Variants in PHF21B observed in about 807,000 individuals in gnomAD.
The protein encoded by PHF21B is PHD finger protein 21B.
In PHF21B, 22 loss-of-function variants were observed where a neutral mutation model predicts 62.2. The observed-to-expected ratio is 0.35, with a 90% CI of 0.25 to 0.51. The LOEUF (loss-of-function observed/expected upper bound fraction) is 0.51, where lower values mean the gene tolerates loss of function less well. Among genes scored for constraint, PHF21B ranks in the 20% least tolerant of loss-of-function variants. The pLI, the probability that PHF21B is intolerant of heterozygous loss-of-function variation, is 0.97. For synonymous variants in PHF21B, 341 were observed against 314.7 expected (o/e 1.08, Z -0.88); for missense variants, 701 against 707.9 (o/e 0.99, Z 0.11).
intron 2 of PHF21B, among the ~76,000 whole-genome samples, chr22:44,921,816 G>A (rs1157065026): frequency 2.6e-5 from 4 of 152,128 alleles, no homozygotes; most frequent in African/African-American, 4.8e-5. Context: ...CCGCCACCAC[G>A]CCTGGGTAAC....
intron 2 of PHF21B, among the ~76,000 whole-genome samples, chr22:44,991,916 T>C (rs993720515): frequency 1.3e-5 from 2 of 152,252 alleles, no homozygotes; most frequent in African/African-American, 2.4e-5. Context: ...AATGAGTCAA[T>C]TGTGTAACCT....
At chr22:45,004,164 G>A (rs1420296082) in intron 2 of PHF21B, among the ~76,000 whole-genome samples, 1 of 152,178 alleles carries the variant, frequency 6.6e-6, no homozygotes, top group Non-Finnish European at 1.5e-5. Context: ...TGGTAGTGAA[G>A]GCTGTACAGA....
chr22:44,959,408 G>T (rs892405448), intron 2 of PHF21B, among the ~76,000 whole-genome samples: 1 of 152,174 alleles, frequency 6.6e-6, no homozygotes, highest in African/African-American at 2.4e-5. Flanking sequence ...TCTGTCCCCT[G>T]CCTGGGTCCT....
chr22:44,933,644 G>C, intron 2 of PHF21B: 1 of 455,094 alleles, frequency 2.2e-6, no homozygotes, highest in Non-Finnish European at 2.9e-6. Context: ...GTCTGAGGTT[G>C]GTCACGCACC....
In PHF21B at chr22:44,983,223, G is replaced by A. The variant is rs534703560; in HGVS notation, c.120+25322C>T. Among the ~76,000 whole-genome samples the A allele has an allele frequency of 4.0e-3, 419 of 105,654 alleles. 1 individual carries two copies. The highest frequency in any genetic ancestry group is 6.1e-3 in the Non-Finnish European group (324 of 52,704). 69.3% of individuals were successfully genotyped at this position (105,654 alleles called of 152,430 possible). On this transcript the variant is annotated intron_variant, in intron 2 of 12. Transcript: ENST00000313237. The stretch of plus-strand genomic sequence containing the variant: ...CACTCCAGCCTGGGCGACAGAGCGA[G>A]ACTCTGTCTCAAAAAAAAAAAAAAA...
At chr22:44,979,402 A>T (rs929016899) in intron 2 of PHF21B, among the ~76,000 whole-genome samples, 1 of 152,196 alleles carries the variant, frequency 6.6e-6, no homozygotes, top group African/African-American at 2.4e-5. Flanking sequence ...GGCACTCAGG[A>T]GGCAGTCTTA....
intron 2 of PHF21B, chr22:45,000,543 G>A (rs992601643): frequency 6.6e-6 from 1 of 152,132 alleles, no homozygotes; most frequent in African/African-American, 2.4e-5. Context: ...CTCTAATGAG[G>A]CATCATGGGA....
At chr22:45,006,216 G>A (rs559690152) in intron 2 of PHF21B, among the ~76,000 whole-genome samples, 24 of 152,244 alleles carry the variant, frequency 1.6e-4, no homozygotes, top group African/African-American at 5.3e-4. Flanking sequence ...TGCCACAAAG[G>A]GAAATGGAAA....
Position 44,891,372 on chromosome 22 carries a change from G to A in PHF21B, c.961-12C>T, listed in dbSNP as rs1408128877. ...GCCAGCCGTTTCCTCTGCAGGGACA[G>A]AAAACAAAACAACACACCCCATCAT... On this transcript the variant is annotated splice_polypyrimidine_tract_variant and intron_variant, in intron 7 of 12. Coordinates refer to ENST00000313237, the MANE Select transcript of PHF21B (RefSeq NM_138415.5). The A allele has an allele frequency of 6.2e-7, 1 of 1,613,328 alleles. No individual in the cohort carries two copies. The highest frequency in any genetic ancestry group is 2.2e-5 in the East Asian group (1 of 44,880).
rs1411912085 is a variant in PHF21B at position 45,008,640 on chromosome 22, C to A, written c.55-30G>T. 7.7e-6 allele frequency: 12 copies of A among 1,555,796 alleles called. No individual in the cohort carries two copies. The Admixed American group carries it at 2.1e-4, about 27-fold the overall frequency. On this transcript the variant is annotated intron_variant, in intron 1 of 12. Coordinates refer to ENST00000313237, the MANE Select transcript of PHF21B (RefSeq NM_138415.5). ...GGAAACACGGAGGAGCGGGCTCAGG[C>A]AGGCCACCCGGGGTCAGGTGCACCC...
chr22:44,884,459 G>C (rs62654741), intron 12 of PHF21B, among the ~76,000 whole-genome samples: 40 of 37,434 alleles, frequency 1.1e-3, no homozygotes, highest in Admixed American at 1.6e-3. Flanking sequence ...TCACGGTGAT[G>C]AGCACCATCA....
chr22:44,889,709 G>A, intron 9 of PHF21B, 51 bp downstream of exon 9: 3 of 1,574,780 alleles, frequency 1.9e-6, no homozygotes. Flanking sequence ...GGACTGTACT[G>A]AAAACATTCT....
At chr22:44,889,161 A>T (rs1404277825) in intron 9 of PHF21B, among the ~76,000 whole-genome samples, 1 of 152,240 alleles carries the variant, frequency 6.6e-6, no homozygotes, top group Admixed American at 6.5e-5. Flanking sequence ...TTCTTTTAGA[A>T]TTAGATCAGA....
intron 2 of PHF21B, among the ~76,000 whole-genome samples, chr22:44,996,274 G>C (rs2073121684): frequency 6.6e-6 from 1 of 152,132 alleles, no homozygotes. Flanking sequence ...CAGAGTCCCT[G>C]ATGAGTCTCA....
intron 2 of PHF21B, among the ~76,000 whole-genome samples, chr22:44,999,842 C>T (rs1381483983): frequency 6.6e-6 from 1 of 152,048 alleles, no homozygotes; most frequent in Non-Finnish European, 1.5e-5. Context: ...CAGAAGGCAC[C>T]TGCTCAGAGC....
Position 44,913,812 on chromosome 22 carries a change from C to T in PHF21B, c.831+10G>A. On this transcript the variant is annotated intron_variant, in intron 5 of 12. Coordinates refer to ENST00000313237, the MANE Select transcript of PHF21B (RefSeq NM_138415.5). ...GCAGGGCCTGGGCCCTCCGGAGAGG[C>T]CTGTCCTACCTCGGGGTTCTCCTGG... The T allele has an allele frequency of 6.2e-7, 1 of 1,610,436 alleles. No individual in the cohort carries two copies. The highest frequency in any genetic ancestry group is 8.5e-7 in the Non-Finnish European group (1 of 1,178,732).
At chr22:44,886,671 A>G (rs1189627420) in intron 10 of PHF21B, among the ~76,000 whole-genome samples, 1 of 151,372 alleles carries the variant, frequency 6.6e-6, no homozygotes, top group Non-Finnish European at 1.5e-5. Context: ...TGTGAAACAG[A>G]GCAAGACCCT....
intron 7 of PHF21B, 43 bp downstream of exon 7, chr22:44,893,414 A>G (rs1444457214): frequency 9.0e-6 from 14 of 1,549,808 alleles, no homozygotes; most frequent in Non-Finnish European, 1.1e-5. Flanking sequence ...GTGCACTGGG[A>G]GCCCCCACCC....
At chr22:44,974,770 G>A (rs758387414) in intron 2 of PHF21B, among the ~76,000 whole-genome samples, 15 of 152,210 alleles carry the variant, frequency 9.9e-5, no homozygotes, top group Middle Eastern at 3.2e-3. Flanking sequence ...AGCGCTGAGC[G>A]TGAATATGAT....
Sources: allele counts gnomAD v4.1 joint callset (sites outside exome capture counted in the v4.1 genomes callset), GRCh38; gene constraint gnomAD v4.1.1; transcripts MANE v1.5; gene names NCBI Gene and HGNC (gene_info 2026-07-23, HGNC 2026-07-21).